The following PRTG variants were observed in gnomAD, a reference collection of about 807,000 sequenced individuals.
PRTG encodes protogenin, also known as immunoglobulin superfamily, DCC subclass, member 5.
In PRTG, 67 loss-of-function variants were observed where a neutral mutation model predicts 122.5. The ratio of observed to expected loss-of-function variants is 0.55; its 90% CI spans 0.45 to 0.67. PRTG has a LOEUF of 0.67. Ranked by LOEUF, PRTG falls within the 30% of genes least tolerant of loss-of-function variation. The probability of loss-of-function intolerance (pLI) is 0.00; values close to 1 mark genes in which losing one functional copy is unlikely to be tolerated. For synonymous variants in PRTG, 554 were observed against 501.1 expected (o/e 1.11, Z -1.41); for missense variants, 1,435 against 1,415.4 (o/e 1.01, Z -0.22).
chr15:55,721,588 C>T (rs964411238), intron 2 of PRTG, among the ~76,000 whole-genome samples: 3 of 152,072 alleles, frequency 2.0e-5, no homozygotes, highest in African/African-American at 7.2e-5. Flanking sequence ...TCTAGTTTTC[C>T]TTCAAAATTT....
At position 55,612,748 on chromosome 15, in the gene PRTG, A is replaced by ATATATG. The variant is rs2059126540; in HGVS notation, c.*7263_*7264insCATATA. 1 of 132,584 alleles carries ATATATG rather than the reference A, an allele frequency of 7.5e-6. No homozygotes were observed. The highest frequency in any genetic ancestry group is 2.4e-4 in the South Asian group (1 of 4,178). 8.2% of individuals were successfully genotyped at this position (132,584 alleles called of 1,614,324 possible). A position where few individuals can be genotyped will look rare whatever the true frequency, so the allele number is the denominator to read the frequency against. On this transcript the variant is annotated 3_prime_UTR_variant, in exon 20 of 20. Transcript: ENST00000389286. ...TATATATATATATATATATATATAT[A>ATATATG]TGACTTAAATTGGAGTAAGATGACT...
chr15:55,703,561 A>T (rs1286661564), intron 2 of PRTG, among the ~76,000 whole-genome samples: 1 of 152,212 alleles, frequency 6.6e-6, no homozygotes, highest in Non-Finnish European at 1.5e-5. Flanking sequence ...AAACAAGGAA[A>T]ATCATACACC....
intron 11 of PRTG, among the ~76,000 whole-genome samples, chr15:55,661,921 G>C (rs1343850608): frequency 6.6e-6 from 1 of 151,562 alleles, no homozygotes; most frequent in Non-Finnish European, 1.5e-5. Context: ...AGGAGTAGCT[G>C]TGTATCATTT....
intron 2 of PRTG, among the ~76,000 whole-genome samples, chr15:55,690,258 TTAAAG>T (rs1179915674): frequency 5.3e-5 from 8 of 152,172 alleles, no homozygotes; most frequent in East Asian, 1.9e-4. Context: ...TAGGAAACTT[TTAAAG>T]TAATCTCTTC....
At chr15:55,705,152 G>A (rs879334614) in intron 2 of PRTG, among the ~76,000 whole-genome samples, 1 of 152,074 alleles carries the variant, frequency 6.6e-6, no homozygotes, top group East Asian at 1.9e-4. Flanking sequence ...GAAGTCAAAT[G>A]GTGCTTTAAA....
chr15:55,672,693 G>T, intron 10 of PRTG, 60 bp from the exon 11 acceptor site: 1 of 1,267,704 alleles, frequency 7.9e-7, no homozygotes, highest in Non-Finnish European at 1.1e-6. Flanking sequence ...TAAAGACACA[G>T]AATAGGGTAG....
At chr15:55,620,861 T>C (rs1400480410) in intron 18 of PRTG, 94 bp from the exon 19 acceptor site, 8 of 1,030,242 alleles carry the variant, frequency 7.8e-6, no homozygotes, top group Non-Finnish European at 1.1e-5. Flanking sequence ...TACTATATGC[T>C]TCACATTTCC....
chr15:55,625,524 T>C (rs1489127094), intron 17 of PRTG, among the ~76,000 whole-genome samples: 1 of 151,846 alleles, frequency 6.6e-6, no homozygotes, highest in Non-Finnish European at 1.5e-5. Context: ...CGATCATAGC[T>C]CACTGTAACC....
At chr15:55,736,373 T>C (rs1220756859) in intron 2 of PRTG, among the ~76,000 whole-genome samples, 17 of 141,156 alleles carry the variant, frequency 1.2e-4, no homozygotes, top group Non-Finnish European at 2.6e-4. Context: ...ACGTATCACT[T>C]CCCCATCTTT....
intron 2 of PRTG, among the ~76,000 whole-genome samples, chr15:55,697,760 G>T (rs1294143572): frequency 1.3e-5 from 2 of 152,182 alleles, no homozygotes; most frequent in East Asian, 1.9e-4. Context: ...AAAGTACAGG[G>T]ATTACAGGCG....
At chr15:55,625,969 T>A (rs1190303174) in intron 17 of PRTG, among the ~76,000 whole-genome samples, 5 of 152,094 alleles carry the variant, frequency 3.3e-5, no homozygotes, top group Non-Finnish European at 5.9e-5. Flanking sequence ...CTTAGGCTGG[T>A]CTGAAACTCC....
intron 2 of PRTG, among the ~76,000 whole-genome samples, chr15:55,737,710 T>C (rs2031454012): frequency 1.3e-5 from 2 of 152,050 alleles, no homozygotes; most frequent in African/African-American, 2.4e-5. Context: ...TTGCCTAGAG[T>C]GCAACTTTCA....
chr15:55,673,818 A>AC (rs2059487301), intron 9 of PRTG, 142 bp from the exon 10 acceptor site: 1 of 649,396 alleles, frequency 1.5e-6, no homozygotes, highest in East Asian at 2.7e-5. Flanking sequence ...TCAGTGAAAC[A>AC]GAGTACAAAC....
At chr15:55,719,253 A>C (rs2141865708) in intron 2 of PRTG, among the ~76,000 whole-genome samples, 1 of 152,368 alleles carries the variant, frequency 6.6e-6, no homozygotes, top group South Asian at 2.1e-4. Context: ...TTTACAAGTT[A>C]ATGAGAAATT....
chr15:55,710,575 A>G (rs539500642), intron 2 of PRTG, among the ~76,000 whole-genome samples: 1 of 152,324 alleles, frequency 6.6e-6, no homozygotes, highest in Admixed American at 6.5e-5. Flanking sequence ...CTGTGAGTAC[A>G]TTATAATATC....
In PRTG at chr15:55,677,778, C is replaced by T; in HGVS notation, c.1381+19G>A. ...ATAGCAAGGAGTACTTAAAAATAAG[C>T]ACTCCTAAAATCGCTTACCTTCTGC... On this transcript the variant is annotated intron_variant, in intron 8 of 19. Transcript: ENST00000389286. The T allele has an allele frequency of 6.2e-7, 1 of 1,604,916 alleles. No homozygotes were observed. Among genetic ancestry groups the T allele is most frequent in the Non-Finnish European group, 8.5e-7 (1 of 1,173,208 alleles).
At chr15:55,681,806 T>C (rs929667973) in intron 4 of PRTG, among the ~76,000 whole-genome samples, 6 of 152,224 alleles carry the variant, frequency 3.9e-5, no homozygotes, top group African/African-American at 9.6e-5. Context: ...ATGACTGTTA[T>C]TCTCTTTTTT....
intron 11 of PRTG, among the ~76,000 whole-genome samples, chr15:55,665,130 G>A (rs557175525): frequency 6.6e-5 from 10 of 151,848 alleles, no homozygotes; most frequent in Non-Finnish European, 1.3e-4. Flanking sequence ...CGTGGTGGCC[G>A]GTGCCTGTAG....
chr15:55,647,869 C>T (rs1161307002), intron 11 of PRTG, among the ~76,000 whole-genome samples: 1 of 152,086 alleles, frequency 6.6e-6, no homozygotes, highest in East Asian at 1.9e-4. Flanking sequence ...CTCTGTTCTC[C>T]CTAATATTCT....
Sources: allele counts gnomAD v4.1 joint callset (sites outside exome capture counted in the v4.1 genomes callset), GRCh38; gene constraint gnomAD v4.1.1; transcripts MANE v1.5; gene names NCBI Gene and HGNC (gene_info 2026-07-23, HGNC 2026-07-21).